Variants in PPIP5K2 observed in about 807,000 individuals in gnomAD.
PPIP5K2 encodes the protein diphosphoinositol pentakisphosphate kinase 2, also known as inositol hexakisphosphate and diphosphoinositol-pentakisphosphate kinase 2.
A neutral mutation model predicts 154.6 loss-of-function variants in PPIP5K2; 105 were observed. That is an observed-to-expected ratio of 0.68 (90% CI 0.58 to 0.80). PPIP5K2 has a LOEUF of 0.80. Ranked by LOEUF, PPIP5K2 falls within the 30% of genes least tolerant of loss-of-function variation. PPIP5K2 has a pLI of 0.00. For missense variants in PPIP5K2, 992 were observed against 1,504.6 expected, an observed-to-expected ratio of 0.66 and a Z score of 5.64; for synonymous variants, 480 against 490.3, an observed-to-expected ratio of 0.98 and a Z score of 0.28.
intron 5 of PPIP5K2, 145 bp from the exon 6 acceptor site, chr5:103,146,382 A>G (rs1292652616): frequency 1.2e-6 from 1 of 802,230 alleles, no homozygotes; most frequent in African/African-American, 1.8e-5. Flanking sequence ...TTATTTACAT[A>G]AACATGGATA....
chr5:103,159,115 A>T, intron 16 of PPIP5K2, 31 bp from the exon 17 acceptor site: 1 of 1,414,552 alleles, frequency 7.1e-7, no homozygotes, highest in Non-Finnish European at 9.5e-7. Flanking sequence ...TAATTTTTTA[A>T]ATTCGTGTTT....
At chr5:103,187,729 C>CT (rs555892195) in intron 28 of PPIP5K2, among the ~76,000 whole-genome samples, 128 of 152,106 alleles carry the variant, frequency 8.4e-4, no homozygotes, top group African/African-American at 3.0e-3. Flanking sequence ...TTCTCAATAA[C>CT]TTTTTTCTTC....
intron 3 of PPIP5K2, among the ~76,000 whole-genome samples, 161 bp from the exon 4 acceptor site, chr5:103,136,571 A>G (rs1554204306): frequency 6.6e-6 from 1 of 152,196 alleles, no homozygotes; most frequent in African/African-American, 2.4e-5. Context: ...TTAATATATA[A>G]GTTAAATCAA....
intron 21 of PPIP5K2, chr5:103,174,200 G>A: frequency 2.7e-6 from 1 of 364,704 alleles, no homozygotes. Context: ...AGTATTTTAG[G>A]TGATTTTATA....
In PPIP5K2 at chr5:103,154,672, T is replaced by A. The variant is rs1554212447; in HGVS notation, c.1220T>A (p.Phe407Tyr). 3 of 1,507,966 alleles carry A rather than the reference T, an allele frequency of 2.0e-6. No homozygotes were observed. Among genetic ancestry groups the A allele is most frequent in the Middle Eastern group, 1.7e-4 (1 of 5,730 alleles). 93.4% of individuals were successfully genotyped at this position (1,507,966 alleles called of 1,614,324 possible). A position where few individuals can be genotyped will look rare whatever the true frequency, so the allele number is the denominator to read the frequency against. ...KMKMEVRHQK[F>Y]FDLFEKCDGY... ...CAGTGTTCTGTCTTTTTTATAAGAT[T>A]TTTTGATCTTTTTGAAAAGTGTGAT... The change falls in exon 12 of 31, where the codon TTT (phenylalanine) becomes TAT (tyrosine). Residue 407 changes from phenylalanine to tyrosine, a missense_variant and splice_region_variant. Physicochemically the swap from Phe to Tyr is conservative, Grantham distance 22. Transcript: ENST00000358359.
chr5:103,191,693 G>T (rs1801260585), intron 29 of PPIP5K2, among the ~76,000 whole-genome samples: 2 of 152,006 alleles, frequency 1.3e-5, no homozygotes, highest in Non-Finnish European at 2.9e-5. Context: ...TATTCTGAGG[G>T]ACATCATTTG....
chr5:103,152,580 T>C (rs1583313187), intron 9 of PPIP5K2, 68 bp from the exon 10 acceptor site: 1 of 909,538 alleles, frequency 1.1e-6, no homozygotes, highest in East Asian at 2.5e-5. Flanking sequence ...TTCTCTCTCA[T>C]CCTCATTAAG....
At chr5:103,174,520 G>C (rs1798419615) in intron 21 of PPIP5K2, among the ~76,000 whole-genome samples, 1 of 151,988 alleles carries the variant, frequency 6.6e-6, no homozygotes, top group Non-Finnish European at 1.5e-5. Flanking sequence ...CATGTTTGGT[G>C]CTTCATGTTG....
Position 103,120,333 on chromosome 5 carries a change from T to C in PPIP5K2, c.-440T>C, listed in dbSNP as rs2149410216. On this transcript the variant is annotated 5_prime_UTR_variant, in exon 1 of 31. Transcript: ENST00000358359. Reference sequence around the variant, plus strand: ...CCTGAGGTTCCCTTATGTGGCCCTATAGCTGTTACTGAAGGAAGTAGCCTA... The same window carrying C: ...CCTGAGGTTCCCTTATGTGGCCCTACAGCTGTTACTGAAGGAAGTAGCCTA... The C allele has an allele frequency of 2.2e-6, 1 of 448,482 alleles. No individual in the cohort carries two copies. The highest frequency in any genetic ancestry group is 7.0e-5 in the East Asian group (1 of 14,242). The allele number at this position is 448,482 out of a possible 1,614,324, so 27.8% of individuals were successfully genotyped here.
chr5:103,156,640 A>G (rs892640150), intron 14 of PPIP5K2, among the ~76,000 whole-genome samples: 1 of 152,204 alleles, frequency 6.6e-6, no homozygotes, highest in Non-Finnish European at 1.5e-5. Context: ...TAAACTGGTA[A>G]TAAAGTGTGC....
intron 25 of PPIP5K2, chr5:103,184,262 T>G (rs1291168436): frequency 6.2e-6 from 1 of 160,280 alleles, no homozygotes; most frequent in Non-Finnish European, 1.4e-5. Context: ...ATAAAGCCCA[T>G]GCATGGATCA....
At chr5:103,186,015 T>C (rs1554224836) in intron 26 of PPIP5K2, among the ~76,000 whole-genome samples, 1 of 152,090 alleles carries the variant, frequency 6.6e-6, no homozygotes, top group East Asian at 1.9e-4. Context: ...TTTATGGCAG[T>C]GTTTTTAATA....
At chr5:103,132,594 T>G (rs1554202992) in intron 2 of PPIP5K2, among the ~76,000 whole-genome samples, 1 of 152,170 alleles carries the variant, frequency 6.6e-6, no homozygotes, top group Non-Finnish European at 1.5e-5. Context: ...ATTTTATTTT[T>G]AGTTATATTA....
Position 103,121,066 on chromosome 5 carries a change from G to C in PPIP5K2, c.-285+578G>C, listed in dbSNP as rs1363853740. Among the ~76,000 whole-genome samples, 4 of 152,200 alleles carry C rather than the reference G, an allele frequency of 2.6e-5. No individual in the cohort carries two copies. The East Asian group carries it at 7.8e-4, about 29-fold the overall frequency. On this transcript the variant is annotated intron_variant, in intron 1 of 30. Transcript: ENST00000358359. ...GATGATCCCTGGATCTCATTCACGA[G>C]GTTCTTGACCACTTCCTGGGAGATT...
chr5:103,197,988 T>G (rs1385088795), intron 30 of PPIP5K2, among the ~76,000 whole-genome samples: 1 of 152,100 alleles, frequency 6.6e-6, no homozygotes, highest in Admixed American at 6.5e-5. Context: ...TATTTCTAGT[T>G]TCTTAGGTCA....
intron 1 of PPIP5K2, among the ~76,000 whole-genome samples, chr5:103,122,366 T>C (rs1788920052): frequency 6.6e-6 from 1 of 152,190 alleles, no homozygotes; most frequent in Admixed American, 6.5e-5. Flanking sequence ...AGGAAAACCT[T>C]CACTGAAGAC....
chr5:103,137,245 C>G (rs566366292), intron 4 of PPIP5K2, among the ~76,000 whole-genome samples: 99 of 151,436 alleles, frequency 6.5e-4, no homozygotes, highest in Non-Finnish European at 1.2e-3. Flanking sequence ...TCACTGCAAG[C>G]TCCCCCTCCC....
At chr5:103,133,722 A>C in intron 3 of PPIP5K2, 74 bp downstream of exon 3, 2 of 1,230,942 alleles carry the variant, frequency 1.6e-6, no homozygotes, top group East Asian at 5.2e-5. Context: ...ATTGTAGACT[A>C]TGAGATAAAA....
chr5:103,190,867 A>T lies in PPIP5K2; in HGVS notation c.3378A>T (p.Pro1126=). 1 of 1,603,400 alleles carries T rather than the reference A, an allele frequency of 6.2e-7. No homozygotes were observed. ...GCTTTGAATTGTATTCCATGGTGCC[A>T]TCTATTTGTCCTCTAGAAACTCTTC... ...TNGFELYSMV[P]SICPLETLHN... The change falls in exon 29 of 31, where the codon CCA becomes CCT. Residue 1126 remains proline (P), a synonymous_variant. Transcript: ENST00000358359.
Sources: gnomAD v4.1 joint callset for allele counts (sites outside exome capture counted in the v4.1 genomes callset) on GRCh38, gnomAD v4.1.1 for gene constraint, MANE v1.5 for transcripts, NCBI Gene and HGNC (gene_info 2026-07-23, HGNC 2026-07-21) for gene names.